COMMD1: variants seen among roughly 807,000 people sequenced by gnomAD.
COMMD1 encodes the protein COMM domain-containing protein 1.
In COMMD1, 10 loss-of-function variants were observed where a neutral mutation model predicts 17.2. The ratio of observed to expected loss-of-function variants is 0.58; its 90% CI spans 0.36 to 0.99. The LOEUF is 0.99. COMMD1 is among the 50% of genes least tolerant of loss of function. The pLI is 0.01. For synonymous variants in COMMD1, 97 were observed against 91.6 expected (o/e 1.06, Z -0.34); for missense variants, 270 against 231.8 (o/e 1.17, Z -1.07).
intron 2 of COMMD1, among the ~76,000 whole-genome samples, chr2:62,023,487 A>G (rs1669669781): frequency 6.8e-6 from 1 of 146,346 alleles, no homozygotes; most frequent in East Asian, 2.0e-4. Context: ...TTTACTGTGG[A>G]TTTTTTTTTT....
intron 2 of COMMD1, among the ~76,000 whole-genome samples, chr2:62,113,357 A>T (rs529033113): frequency 5.3e-5 from 8 of 151,986 alleles, no homozygotes; most frequent in Non-Finnish European, 8.8e-5. Context: ...GTCTCAAAAA[A>T]ATATATATAT....
chr2:62,061,563 T>C (rs1573132406), intron 2 of COMMD1, among the ~76,000 whole-genome samples: 1 of 148,526 alleles, frequency 6.7e-6, no homozygotes, highest in Admixed American at 6.7e-5. Context: ...TCTTTTTTTT[T>C]TTTTTTTTTT....
At position 62,055,843 on chromosome 2, in the gene COMMD1, C is replaced by G. The variant is rs113693005; in HGVS notation, c.462+54861C>G. Among the ~76,000 whole-genome samples the G allele has an allele frequency of 9.8e-5, 15 of 152,326 alleles. No individual in the cohort carries two copies. In the East Asian group the frequency reaches 2.7e-3, roughly 27 times the overall value. ...ATTGATTGAATAGAGGATATTGAGG[C>G]ACAATTGATAGAGAGCATTAATGAG... On this transcript the variant is annotated intron_variant, in intron 2 of 2. Coordinates refer to ENST00000311832, the MANE Select transcript of COMMD1 (RefSeq NM_152516.4).
chr2:62,115,297 G>A (rs530713248), intron 2 of COMMD1, among the ~76,000 whole-genome samples: 1 of 152,318 alleles, frequency 6.6e-6, no homozygotes, highest in Non-Finnish European at 1.5e-5. Flanking sequence ...AATAGATTAG[G>A]CACACGCACA....
intron 1 of COMMD1, among the ~76,000 whole-genome samples, chr2:61,997,695 ACAT>A (rs970586489): frequency 2.0e-5 from 3 of 152,212 alleles, no homozygotes; most frequent in Non-Finnish European, 2.9e-5. Context: ...AGTAGATTTA[ACAT>A]CATTCTTAAG....
At chr2:62,015,888 A>G (rs80342908) in intron 2 of COMMD1, among the ~76,000 whole-genome samples, 12,697 of 152,028 alleles carry the variant, frequency 0.084, 1,305 homozygotes, top group African/African-American at 0.24. Flanking sequence ...GCCGGAGTGC[A>G]GTGGTGCAAT....
intron 1 of COMMD1, among the ~76,000 whole-genome samples, chr2:61,962,316 A>T (rs896261605): frequency 6.6e-6 from 1 of 152,172 alleles, no homozygotes; most frequent in Non-Finnish European, 1.5e-5. Flanking sequence ...GGTTCCTAGG[A>T]CAGAGGCTTT....
chr2:62,072,553 A>G (rs1671225571), intron 2 of COMMD1, among the ~76,000 whole-genome samples: 2 of 152,206 alleles, frequency 1.3e-5, no homozygotes, highest in Non-Finnish European at 2.9e-5. Flanking sequence ...ACACGGGACA[A>G]GAACCTGGGA....
chr2:62,021,112 G>A (rs776738022), intron 2 of COMMD1, among the ~76,000 whole-genome samples: 5 of 152,042 alleles, frequency 3.3e-5, no homozygotes, highest in Admixed American at 6.6e-5. Flanking sequence ...GGCATGATCT[G>A]GGATCTCACC....
At chr2:62,009,847 A>G (rs1048260775) in intron 2 of COMMD1, among the ~76,000 whole-genome samples, 3 of 152,198 alleles carry the variant, frequency 2.0e-5, no homozygotes, top group Non-Finnish European at 4.4e-5. Context: ...ACTAGTTATA[A>G]TGAATAGTGA....
At chr2:61,974,936 C>T (rs1048582163) in intron 1 of COMMD1, among the ~76,000 whole-genome samples, 1 of 151,932 alleles carries the variant, frequency 6.6e-6, no homozygotes, top group Non-Finnish European at 1.5e-5. Flanking sequence ...TTCTCTCCCT[C>T]CTCCTTCCTG....
chr2:61,896,441 C>T (rs1669550554), intron 1 of COMMD1, among the ~76,000 whole-genome samples: 1 of 151,974 alleles, frequency 6.6e-6, no homozygotes, highest in Non-Finnish European at 1.5e-5. Flanking sequence ...ATTAGCTGGG[C>T]ACAGTGATCT....
chr2:62,102,820 A>G (rs570024907), intron 2 of COMMD1, among the ~76,000 whole-genome samples: 2 of 152,164 alleles, frequency 1.3e-5, no homozygotes, highest in African/African-American at 4.8e-5. Context: ...CCCTGGTTCC[A>G]CAGAGGGTCC....
intron 2 of COMMD1, among the ~76,000 whole-genome samples, chr2:62,004,698 G>A (rs1669064403): frequency 1.3e-5 from 2 of 152,156 alleles, no homozygotes; most frequent in South Asian, 4.1e-4. Flanking sequence ...AAAATATATA[G>A]CCCACATCCT....
intron 2 of COMMD1, among the ~76,000 whole-genome samples, chr2:62,058,225 G>A (rs1343622130): frequency 6.6e-6 from 1 of 152,168 alleles, no homozygotes; most frequent in Non-Finnish European, 1.5e-5. Context: ...ATGTCAATTA[G>A]ATTAAGTTGG....
chr2:61,905,671 C>A (rs372986888), upstream of COMMD1: 181 of 1,545,512 alleles, frequency 1.2e-4, 1 homozygote, highest in African/African-American at 2.1e-3. Flanking sequence ...GCGGGGCCTT[C>A]GCAGAGCATG....
chr2:61,938,070 T>C (rs1330508699), intron 1 of COMMD1, among the ~76,000 whole-genome samples: 1 of 152,146 alleles, frequency 6.6e-6, no homozygotes, highest in Non-Finnish European at 1.5e-5. Context: ...TAATTAGGCA[T>C]GAGCTGGGCA....
intron 2 of COMMD1, among the ~76,000 whole-genome samples, chr2:62,052,991 C>G: frequency 6.6e-6 from 1 of 152,114 alleles, no homozygotes; most frequent in East Asian, 1.9e-4. Context: ...ATCACTTCAG[C>G]CTTCACTGAG....
chr2:62,077,097 C>G (rs1671366369), intron 2 of COMMD1, among the ~76,000 whole-genome samples: 1 of 151,936 alleles, frequency 6.6e-6, no homozygotes, highest in African/African-American at 2.4e-5. Flanking sequence ...CACCACTGCC[C>G]TCCAGCCTGG....
Sources: allele counts gnomAD v4.1 joint callset (sites outside exome capture counted in the v4.1 genomes callset), GRCh38; gene constraint gnomAD v4.1.1; transcripts MANE v1.5; gene names NCBI Gene and HGNC (gene_info 2026-07-23, HGNC 2026-07-21).